MEI4: variants seen among roughly 807,000 people sequenced by gnomAD.
MEI4 encodes meiosis-specific protein MEI4.
In MEI4, 27 loss-of-function variants were observed where a neutral mutation model predicts 31.4. That is an observed-to-expected ratio of 0.86 (90% CI 0.63 to 1.19). The LOEUF (loss-of-function observed/expected upper bound fraction) is 1.19. Ranked by LOEUF, MEI4 falls within the 50% of genes most tolerant of loss-of-function variation. MEI4 has a pLI of 0.00. For missense variants in MEI4, 329 were observed against 398.9 expected (o/e 0.82, Z 1.49); for synonymous variants, 122 against 145.4 (o/e 0.84, Z 1.16).
At chr6:77,673,767 C>T (rs1296430152) in intron 1 of MEI4, among the ~76,000 whole-genome samples, 2 of 152,128 alleles carry the variant, frequency 1.3e-5, no homozygotes, top group African/African-American at 4.8e-5. Flanking sequence ...TTTGGCTTAG[C>T]CTTTCCTTAT....
chr6:77,762,102 T>C (rs1197415697), intron 3 of MEI4, among the ~76,000 whole-genome samples: 2 of 152,186 alleles, frequency 1.3e-5, no homozygotes, highest in Admixed American at 1.3e-4. Flanking sequence ...TTGCTCTTTT[T>C]CTGGCATTGA....
intron 3 of MEI4, among the ~76,000 whole-genome samples, chr6:77,770,958 A>G (rs1582124817): frequency 6.6e-6 from 1 of 152,202 alleles, no homozygotes; most frequent in African/African-American, 2.4e-5. Context: ...TAAACTTTAG[A>G]GCTTTTGCAC....
Position 77,883,002 on chromosome 6 carries a change from A to AT in MEI4, c.901-40079dup, listed in dbSNP as rs983336472. On this transcript the variant is annotated intron_variant, in intron 4 of 4. Coordinates refer to ENST00000684080, the MANE Select transcript of MEI4 (RefSeq NM_001322247.2). ...TAATGATAGTGAACTTACTATGGAC[A>AT]TTTTTTTTCCAGAAAATAATTGCTT... Among the ~76,000 whole-genome samples the AT allele has an allele frequency of 3.3e-5, 5 of 151,986 alleles. No individual in the cohort carries two copies. In the Middle Eastern group the frequency reaches 0.014, roughly 414 times the overall value.
chr6:77,832,581 TTA>T (rs886606125), intron 4 of MEI4, among the ~76,000 whole-genome samples: 5 of 152,070 alleles, frequency 3.3e-5, no homozygotes, highest in African/African-American at 1.2e-4. Flanking sequence ...AATTTTAATT[TTA>T]TGTTATGTCA....
chr6:77,767,693 TCACA>T (rs10612233), intron 3 of MEI4, among the ~76,000 whole-genome samples: 23,812 of 149,100 alleles, frequency 0.16, 2,059 homozygotes, highest in East Asian at 0.39. Context: ...CAGGAAACTG[TCACA>T]CACACACACA....
At chr6:77,678,001 A>G (rs570237745) in intron 1 of MEI4, among the ~76,000 whole-genome samples, 1 of 152,212 alleles carries the variant, frequency 6.6e-6, no homozygotes, top group Non-Finnish European at 1.5e-5. Flanking sequence ...CTTTTACAGC[A>G]GGAGCTACTT....
Position 77,924,021 on chromosome 6 carries a change from A to ATAATAGTCTTG in MEI4, c.*680_*690dup, listed in dbSNP as rs1554181998. 1 of 151,772 alleles carries ATAATAGTCTTG rather than the reference A, an allele frequency of 6.6e-6. No homozygotes were observed. The highest frequency in any genetic ancestry group is 1.5e-5 in the Non-Finnish European group (1 of 67,822). The allele number at this position is 151,772 out of a possible 1,614,324, so 9.4% of individuals were successfully genotyped here. A position where few individuals can be genotyped will look rare whatever the true frequency, so the allele number is the denominator to read the frequency against. Reference sequence around the variant, plus strand: ...TTCAATTCTGTTAATTAAATATGTTATAATAGTCTTGTAATTGTTAAATAG... The same window carrying ATAATAGTCTTG: ...TTCAATTCTGTTAATTAAATATGTTATAATAGTCTTGTAATAGTCTTGTAATTGTTAAATAG... On this transcript the variant is annotated 3_prime_UTR_variant, in exon 5 of 5. Coordinates refer to ENST00000684080, the MANE Select transcript of MEI4 (RefSeq NM_001322247.2).
chr6:77,917,910 T>G (rs1311331860), intron 4 of MEI4, among the ~76,000 whole-genome samples: 54 of 148,516 alleles, frequency 3.6e-4, no homozygotes, highest in African/African-American at 1.0e-3. Context: ...GGTCTAACGT[T>G]TAAGTCTTTA....
chr6:77,903,569 A>G (rs1581965506), intron 4 of MEI4, among the ~76,000 whole-genome samples: 1 of 152,284 alleles, frequency 6.6e-6, no homozygotes, highest in East Asian at 1.9e-4. Context: ...CATCTGTACT[A>G]TGTTGAATGC....
intron 4 of MEI4, among the ~76,000 whole-genome samples, chr6:77,866,768 A>G (rs1771042688): frequency 6.6e-6 from 1 of 152,248 alleles, no homozygotes; most frequent in Non-Finnish European, 1.5e-5. Context: ...TGCCAAGTCA[A>G]TTCTAAGTCA....
intron 2 of MEI4, among the ~76,000 whole-genome samples, chr6:77,746,474 A>C (rs541348021): frequency 4.2e-4 from 64 of 152,198 alleles, no homozygotes; most frequent in Admixed American, 3.3e-4. Flanking sequence ...TCCTGCTTTC[A>C]CACTCAAACT....
At chr6:77,831,917 AATTGTAATGTTTCCAAC>A (rs1770093115) in intron 4 of MEI4, among the ~76,000 whole-genome samples, 1 of 152,068 alleles carries the variant, frequency 6.6e-6, no homozygotes, top group Admixed American at 6.6e-5. Flanking sequence ...AGAAGTGAAG[AATTGTAATGTTTCCAAC>A]ATAAAGAAAA....
intron 4 of MEI4, among the ~76,000 whole-genome samples, chr6:77,914,390 T>G (rs1049989774): frequency 3.3e-5 from 5 of 152,100 alleles, no homozygotes; most frequent in African/African-American, 1.2e-4. Flanking sequence ...TTGAATGTAT[T>G]TGTACAGTTT....
Position 77,809,549 on chromosome 6 carries a change from C to T in MEI4, c.769-19382C>T, listed in dbSNP as rs148368844. Reference sequence around the variant, plus strand: ...TTCACTTCTGTTCACTTAGTTGATTCTCAATCTTGCATGGTTTACAGGAAA... The same window carrying T: ...TTCACTTCTGTTCACTTAGTTGATTTTCAATCTTGCATGGTTTACAGGAAA... On this transcript the variant is annotated intron_variant, in intron 3 of 4. Coordinates refer to ENST00000684080, the MANE Select transcript of MEI4 (RefSeq NM_001322247.2). Among the ~76,000 whole-genome samples the T allele has an allele frequency of 2.3e-4, 35 of 152,128 alleles. No individual in the cohort carries two copies. The East Asian group carries it at 6.6e-3, about 29-fold the overall frequency.
intron 3 of MEI4, among the ~76,000 whole-genome samples, chr6:77,778,693 T>G (rs1768520049): frequency 6.6e-6 from 1 of 150,624 alleles, no homozygotes; most frequent in African/African-American, 2.4e-5. Context: ...GAGCGAGACC[T>G]GAGACCCTGT....
chr6:77,854,351 G>T, intron 4 of MEI4, among the ~76,000 whole-genome samples: 1 of 150,106 alleles, frequency 6.7e-6, no homozygotes, highest in East Asian at 1.9e-4. Context: ...ACCAAAACCT[G>T]AAGTGAATAG....
chr6:77,742,339 T>G (rs1188149862), intron 2 of MEI4, among the ~76,000 whole-genome samples: 6 of 151,932 alleles, frequency 3.9e-5, no homozygotes, highest in Non-Finnish European at 8.8e-5. Flanking sequence ...GGTATCTCAT[T>G]GTGGTTTTGA....
chr6:77,714,537 A>T (rs1351945758), intron 2 of MEI4, among the ~76,000 whole-genome samples: 1 of 152,228 alleles, frequency 6.6e-6, no homozygotes, highest in Non-Finnish European at 1.5e-5. Flanking sequence ...GGTAGCATCT[A>T]GTCTATAAAA....
intron 4 of MEI4, among the ~76,000 whole-genome samples, chr6:77,834,003 G>T (rs752728325): frequency 6.6e-6 from 1 of 152,144 alleles, no homozygotes; most frequent in African/African-American, 2.4e-5. Flanking sequence ...TGGTGTATAT[G>T]TGCCACATTT....
Sources: allele counts gnomAD v4.1 joint callset (sites outside exome capture counted in the v4.1 genomes callset), GRCh38; gene constraint gnomAD v4.1.1; transcripts MANE v1.5; gene names NCBI Gene and HGNC (gene_info 2026-07-23, HGNC 2026-07-21).